Variants in HSPBAP1 observed in about 807,000 individuals in gnomAD.
HSPBAP1 encodes HSPB1 associated protein 1.
HSPBAP1 carries 27 observed loss-of-function variants against 45.2 expected under a neutral mutation model. The observed-to-expected ratio is 0.60, with a 90% CI of 0.44 to 0.82. The LOEUF (loss-of-function observed/expected upper bound fraction) is 0.82. Among genes scored for constraint, HSPBAP1 ranks in the 40% least tolerant of loss-of-function variants. The pLI, the probability that HSPBAP1 is intolerant of heterozygous loss-of-function variation, is 0.00. For synonymous variants in HSPBAP1, 204 were observed against 202.7 expected (o/e 1.01, Z -0.06); for missense variants, 510 against 590.9 (o/e 0.86, Z 1.42).
chr3:122,781,400 C>T (rs985917402), intron 1 of HSPBAP1, among the ~76,000 whole-genome samples: 1 of 152,160 alleles, frequency 6.6e-6, no homozygotes. Flanking sequence ...CAAAAAAATA[C>T]GAAAACCAGT....
rs181286072 is a variant in HSPBAP1, at chr3:122,743,122, A to G, written c.826-2009T>C. Among the ~76,000 whole-genome samples the G allele has an allele frequency of 5.6e-4, 85 of 152,356 alleles. 2 individuals carry two copies. Among genetic ancestry groups the G allele is most frequent in the Admixed American group, 1.8e-3 (28 of 15,310 alleles). Reference sequence around the variant, plus strand: ...ATACCATAAGATTTAGCCAGGCTATAGCATGCATCAGTATTTCATTCCTTG... The same window carrying G: ...ATACCATAAGATTTAGCCAGGCTATGGCATGCATCAGTATTTCATTCCTTG... On this transcript the variant is annotated intron_variant, in intron 6 of 7. Coordinates refer to ENST00000306103, the MANE Select transcript of HSPBAP1 (RefSeq NM_024610.6).
intron 2 of HSPBAP1, among the ~76,000 whole-genome samples, chr3:122,773,326 T>TTC (rs1935073086): frequency 1.5e-5 from 1 of 67,542 alleles, no homozygotes; most frequent in Non-Finnish European, 3.5e-5. Context: ...TTTTTTTTTT[T>TTC]GGAGACAGAG....
chr3:122,769,991 T>G (rs1934930987), intron 2 of HSPBAP1, among the ~76,000 whole-genome samples: 1 of 152,238 alleles, frequency 6.6e-6, no homozygotes, highest in Non-Finnish European at 1.5e-5. Flanking sequence ...TGTTAGGCAC[T>G]ATTATTAGTA....
chr3:122,791,624 G>C (rs1935832830), intron 1 of HSPBAP1, among the ~76,000 whole-genome samples: 1 of 152,194 alleles, frequency 6.6e-6, no homozygotes, highest in Non-Finnish European at 1.5e-5. Flanking sequence ...GAACATCTAG[G>C]GTTGGGGGGT....
intron 3 of HSPBAP1, among the ~76,000 whole-genome samples, chr3:122,760,035 A>G (rs531879421): frequency 2.0e-5 from 3 of 152,160 alleles, no homozygotes; most frequent in Non-Finnish European, 2.9e-5. Context: ...ATGGCTTTCA[A>G]TATACTCCCC....
At position 122,740,339 on chromosome 3, in the gene HSPBAP1, C is replaced by A. The variant is rs1301937769; in HGVS notation, c.*6G>T. ...ATATTATTTTAAAAGTCATCTTCCA[C>A]TTGAATCATAAACTTCTTCCTTGTA... On this transcript the variant is annotated 3_prime_UTR_variant, in exon 8 of 8. Transcript: ENST00000306103. 2 of 1,549,270 alleles carry A rather than the reference C, an allele frequency of 1.3e-6. No individual in the cohort carries two copies.
In HSPBAP1 at chr3:122,759,088, A is replaced by C. The variant is rs1339507120; in HGVS notation, c.569+136T>G. ...ACCAGAGGTTAAGAGGTCTGCCCTA[A>C]TCATGAGGCAGGCTGACAGGATGGG... On this transcript the variant is annotated intron_variant, in intron 4 of 7. Coordinates refer to ENST00000306103, the MANE Select transcript of HSPBAP1 (RefSeq NM_024610.6). 3 of 1,316,908 alleles carry C rather than the reference A, an allele frequency of 2.3e-6. No homozygotes were observed. The Admixed American group carries it at 8.0e-5, about 35-fold the overall frequency. 81.6% of individuals were successfully genotyped at this position (1,316,908 alleles called of 1,614,324 possible). A position where few individuals can be genotyped will look rare whatever the true frequency, so the allele number is the denominator to read the frequency against.
At chr3:122,789,143 AATGACATGGTGAGT>A (rs1262282419) in intron 1 of HSPBAP1, among the ~76,000 whole-genome samples, 1 of 152,202 alleles carries the variant, frequency 6.6e-6, no homozygotes, top group Non-Finnish European at 1.5e-5. Flanking sequence ...TGAGAACAAA[AATGACATGGTGAGT>A]ACGGGTCTCC....
Position 122,740,314 on chromosome 3 carries a change from A to G in HSPBAP1, c.*31T>C. The stretch of plus-strand genomic sequence containing the variant: ...CTACTTAAAAATATATATTTAAAAA[A>G]TATTATTTTAAAAGTCATCTTCCAC... On this transcript the variant is annotated 3_prime_UTR_variant, in exon 8 of 8. Coordinates refer to ENST00000306103, the MANE Select transcript of HSPBAP1 (RefSeq NM_024610.6). The G allele has an allele frequency of 7.2e-7, 1 of 1,380,154 alleles. No individual in the cohort carries two copies. 85.5% of individuals were successfully genotyped at this position (1,380,154 alleles called of 1,614,324 possible).
chr3:122,782,013 A>AGT (rs1935503697), intron 1 of HSPBAP1, among the ~76,000 whole-genome samples: 1 of 152,230 alleles, frequency 6.6e-6, no homozygotes, highest in African/African-American at 2.4e-5. Context: ...GTAGATATTT[A>AGT]CAATATACAA....
chr3:122,774,012 G>T (rs1007914498), intron 2 of HSPBAP1, among the ~76,000 whole-genome samples: 6 of 152,180 alleles, frequency 3.9e-5, no homozygotes, highest in Non-Finnish European at 5.9e-5. Flanking sequence ...GTTCTGAAAA[G>T]AATGTAAATA....
chr3:122,742,182 T>C (rs1576228809), intron 6 of HSPBAP1, among the ~76,000 whole-genome samples: 1 of 149,546 alleles, frequency 6.7e-6, no homozygotes, highest in East Asian at 1.9e-4. Context: ...TATATACATA[T>C]ATTAATATAT....
intron 2 of HSPBAP1, among the ~76,000 whole-genome samples, chr3:122,774,030 C>T (rs1935101238): frequency 6.6e-6 from 1 of 152,196 alleles, no homozygotes. Flanking sequence ...ATAGAAACCG[C>T]CTTCGTGCAA....
chr3:122,744,803 T>G (rs1422925281), intron 6 of HSPBAP1, among the ~76,000 whole-genome samples: 1 of 152,136 alleles, frequency 6.6e-6, no homozygotes, highest in Admixed American at 6.5e-5. Context: ...TAAATGCATA[T>G]CTAAATAAAA....
chr3:122,766,065 A>G (rs1466507343), intron 3 of HSPBAP1, among the ~76,000 whole-genome samples: 3 of 152,242 alleles, frequency 2.0e-5, no homozygotes, highest in Non-Finnish European at 1.5e-5. Flanking sequence ...TGAATGGAGA[A>G]GCAGAGAATC....
chr3:122,791,458 T>C (rs987661556), intron 1 of HSPBAP1, among the ~76,000 whole-genome samples: 3 of 152,282 alleles, frequency 2.0e-5, no homozygotes, highest in Non-Finnish European at 2.9e-5. Flanking sequence ...GTGCCAACTA[T>C]GTGCCTGGCA....
chr3:122,793,809 C>G lies in HSPBAP1; in HGVS notation c.-129G>C, dbSNP rs1208787008. The G allele has an allele frequency of 4.0e-6, 3 of 749,882 alleles. No homozygotes were observed. Among genetic ancestry groups the G allele is most frequent in the Admixed American group, 2.7e-5 (1 of 37,598 alleles). 46.5% of individuals were successfully genotyped at this position (749,882 alleles called of 1,614,324 possible). A position where few individuals can be genotyped will look rare whatever the true frequency, so the allele number is the denominator to read the frequency against. On this transcript the variant is annotated 5_prime_UTR_variant, in exon 1 of 8. Coordinates refer to ENST00000306103, the MANE Select transcript of HSPBAP1 (RefSeq NM_024610.6). ...GAGCCCCGGCGACTCCCGCCCGGCTCCTACGGAAACGCCGGCTCTCACGTG... is the reference window on the plus strand; with the variant it reads ...GAGCCCCGGCGACTCCCGCCCGGCTGCTACGGAAACGCCGGCTCTCACGTG...
intron 2 of HSPBAP1, among the ~76,000 whole-genome samples, chr3:122,772,143 A>T (rs1935024768): frequency 6.6e-6 from 1 of 152,194 alleles, no homozygotes; most frequent in Non-Finnish European, 1.5e-5. Flanking sequence ...ACTATAAATC[A>T]TTTTACTGAG....
chr3:122,793,773 A>G lies in HSPBAP1; in HGVS notation c.-93T>C. ...GCCAAACTCCGAGACCCGAAGCTGC[A>G]CCACAGGAAGGAGCCCCGGCGACTC... On this transcript the variant is annotated 5_prime_UTR_variant, in exon 1 of 8. Coordinates refer to ENST00000306103, the MANE Select transcript of HSPBAP1 (RefSeq NM_024610.6). 8.1e-7 allele frequency: 1 copy of G among 1,230,394 alleles called. No homozygotes were observed. The highest frequency in any genetic ancestry group is 1.2e-6 in the Non-Finnish European group (1 of 852,608). 76.2% of individuals were successfully genotyped at this position (1,230,394 alleles called of 1,614,324 possible).
Sources: allele counts gnomAD v4.1 joint callset (sites outside exome capture counted in the v4.1 genomes callset), GRCh38; gene constraint gnomAD v4.1.1; transcripts MANE v1.5; gene names NCBI Gene and HGNC (gene_info 2026-07-23, HGNC 2026-07-21).